SIRPB1: variants seen among roughly 807,000 people sequenced by gnomAD.
The protein encoded by SIRPB1 is signal regulatory protein beta 1, also known as signal-regulatory protein beta-1.
Under a neutral mutation model 34.1 loss-of-function variants are expected in SIRPB1, and 28 were observed. The ratio of observed to expected loss-of-function variants is 0.82; its 90% confidence interval spans 0.61 to 1.12. The LOEUF is 1.12. SIRPB1 is among the 50% of genes most tolerant of loss of function. The pLI is 0.00. For missense variants in SIRPB1, 499 were observed against 507.0 expected, an observed-to-expected ratio of 0.98 and a Z score of 0.15; for synonymous variants, 211 against 203.8, an observed-to-expected ratio of 1.04 and a Z score of -0.30.
Position 1,578,539 on chromosome 20 carries a change from T to A in SIRPB1, c.232A>T (p.Ile78Phe), listed in dbSNP as rs145222149. 6.5e-4 allele frequency: 1,028 copies of A among 1,583,850 alleles called. 63 individuals are homozygous for A. In the African/African-American group the frequency reaches 0.012, roughly 19 times the overall value. The change falls in exon 2 of 6, where the codon ATC becomes TTC. Residue 78 changes from isoleucine (I) to phenylalanine (F), a missense_variant. Coordinates refer to ENST00000381605, the MANE Select transcript of SIRPB1 (RefSeq NM_006065.5). ...FRGAGAGREL[I>F]YNQKEGHFPR... ...AAGTGGCCTTCTTTCTGATTGTAGATTAATTCCCGGCCTGCTCCAGCTCCT... is the reference window on the plus strand; with the variant it reads ...AAGTGGCCTTCTTTCTGATTGTAGAATAATTCCCGGCCTGCTCCAGCTCCT...
intron 4 of SIRPB1, among the ~76,000 whole-genome samples, chr20:1,569,898 G>A (rs1467897000): frequency 6.6e-6 from 1 of 152,218 alleles, no homozygotes; most frequent in African/African-American, 2.4e-5. Flanking sequence ...GGTATTAAAA[G>A]AGAGGGAAAT....
At chr20:1,569,112 A>T (rs528337937) in intron 4 of SIRPB1, among the ~76,000 whole-genome samples, 1 of 152,348 alleles carries the variant, frequency 6.6e-6, no homozygotes, top group East Asian at 1.9e-4. Context: ...GTTATGCAAA[A>T]CACAACTTAC....
rs764939384 is a variant in SIRPB1 at position 1,571,055 on chromosome 20, G to T, written c.834C>A (p.Tyr278Ter). The stretch of plus-strand genomic sequence containing the variant: ...ACCAGGTCAGCTGTAGTCCCCGGGG[G>T]TAGAAATTGCTCACCTGGCAGGTGA... ...ANVTCQVSNFYPRGLQLTWLE... is the reference protein window; with the variant it reads ...ANVTCQVSNF Residue 278 changes from tyrosine (Y) to a stop codon, truncating the protein, a stop_gained, in exon 4 of 6, where the codon TAC becomes TAA. Coordinates refer to ENST00000381605, the MANE Select transcript of SIRPB1 (RefSeq NM_006065.5). LOFTEE classifies it high-confidence loss of function. The T allele has an allele frequency of 1.2e-6, 2 of 1,614,208 alleles. No individual in the cohort carries two copies. Among genetic ancestry groups the T allele is most frequent in the East Asian group, 2.2e-5 (1 of 44,884 alleles).
In SIRPB1 at chr20:1,591,308, T is replaced by G. The variant is rs1284576949; in HGVS notation, c.77-12614A>C. 4.1e-5 allele frequency: 2 copies of G among 48,548 alleles called. 1 individual carries two copies. The highest frequency in any genetic ancestry group is 2.8e-4 in the Admixed American group (2 of 7,268). The allele number at this position is 48,548 out of a possible 1,614,324, so 3.0% of individuals were successfully genotyped here. ...GTAAATATAGGAATAACAAAAGATATCTCACAAAACATGTCAAAAAATTTC... is the reference window on the plus strand; with the variant it reads ...GTAAATATAGGAATAACAAAAGATAGCTCACAAAACATGTCAAAAAATTTC... On this transcript the variant is annotated intron_variant, in intron 1 of 5. Coordinates refer to ENST00000381605, the MANE Select transcript of SIRPB1 (RefSeq NM_006065.5).
Position 1,570,210 on chromosome 20 carries a change from A to G in SIRPB1, c.1084+595T>C, listed in dbSNP as rs1437147755. ...AGATCAGAGATGAACAGAAATTTGC[A>G]TATAGTAAATGTGCAGAGTGGTTGT... On this transcript the variant is annotated intron_variant, in intron 4 of 5. Transcript: ENST00000381605. Among the ~76,000 whole-genome samples, 5 of 152,260 alleles carry G rather than the reference A, an allele frequency of 3.3e-5. No individual in the cohort carries two copies. In the East Asian group the frequency reaches 9.6e-4, roughly 29 times the overall value.
intron 4 of SIRPB1, among the ~76,000 whole-genome samples, chr20:1,568,883 C>T (rs779960746): frequency 3.7e-4 from 55 of 149,990 alleles, no homozygotes; most frequent in Admixed American, 3.0e-3. Context: ...AATACAAAAA[C>T]CCATTGAAAC....
At chr20:1,572,759 CATTA>C (rs969633562) in intron 2 of SIRPB1, among the ~76,000 whole-genome samples, 130 of 151,468 alleles carry the variant, frequency 8.6e-4, no homozygotes, top group South Asian at 2.7e-3. Context: ...AAATAAAAGG[CATTA>C]ATTAAGGATA....
intron 4 of SIRPB1, chr20:1,570,500 C>T (rs1486831732): frequency 8.0e-6 from 2 of 248,482 alleles, no homozygotes; most frequent in Non-Finnish European, 1.5e-5. Context: ...ACTTCATAAA[C>T]AAACGGATCA....
intron 1 of SIRPB1, among the ~76,000 whole-genome samples, chr20:1,591,210 T>C (rs1477111607): frequency 2.1e-5 from 1 of 48,614 alleles, no homozygotes; most frequent in Non-Finnish European, 4.0e-5. Context: ...AGTTATTGGG[T>C]TGGGGGATCA....
At position 1,564,676 on chromosome 20, in the gene SIRPB1, G is replaced by A. The variant is rs1317516808; in HGVS notation, c.*824C>T. 2.7e-6 allele frequency: 1 copy of A among 370,734 alleles called. No individual in the cohort carries two copies. Among genetic ancestry groups the A allele is most frequent in the South Asian group, 1.5e-4 (1 of 6,740 alleles). 23.0% of individuals were successfully genotyped at this position (370,734 alleles called of 1,614,324 possible). The stretch of plus-strand genomic sequence containing the variant: ...CTGAAAACCAATTGTTAAATTTCAG[G>A]AATCTTGCAATCTGGTTGTTTAACT... On this transcript the variant is annotated 3_prime_UTR_variant, in exon 6 of 6. Transcript: ENST00000381605.
In SIRPB1 at chr20:1,570,956, C is replaced by G. The variant is rs1372577703; in HGVS notation, c.933G>C (p.Trp311Cys). Residue 311 changes from tryptophan (W) to cysteine (C), a missense_variant, in exon 4 of 6, where the codon TGG (tryptophan) becomes TGC (cysteine). Transcript: ENST00000381605. The part of the protein sequence containing the change: ...LIENKDGTYN[W>C]MSWLLVNTCA... ...AGGTGTTCACCAGGAGCCAGCTCATCCAGTTGTAGGTGCCATCCTTGTTCT... is the reference window on the plus strand; with the variant it reads ...AGGTGTTCACCAGGAGCCAGCTCATGCAGTTGTAGGTGCCATCCTTGTTCT... 1.2e-6 allele frequency: 2 copies of G among 1,613,482 alleles called. No individual in the cohort carries two copies. The highest frequency in any genetic ancestry group is 1.7e-5 in the Admixed American group (1 of 60,000).
At position 1,610,039 on chromosome 20, in the gene SIRPB1, A is replaced by T. The variant is rs557004750; in HGVS notation, c.76+9830T>A. Among the ~76,000 whole-genome samples, 112 of 72,390 alleles carry T rather than the reference A, an allele frequency of 1.5e-3. 48 individuals carry two copies. The highest frequency in any genetic ancestry group is 9.6e-3 in the African/African-American group (110 of 11,414). The allele number at this position is 72,390 out of a possible 152,430, so 47.5% of individuals were successfully genotyped here. Reference sequence around the variant, plus strand: ...AAAATAAATTTTGATATTTCCATAGATTGGAGTATTTTTCAGCTGTAAACA... The same window carrying T: ...AAAATAAATTTTGATATTTCCATAGTTTGGAGTATTTTTCAGCTGTAAACA... On this transcript the variant is annotated intron_variant, in intron 1 of 5. Transcript: ENST00000381605.
At position 1,578,375 on chromosome 20, in the gene SIRPB1, C is replaced by A; in HGVS notation, c.396G>T (p.Glu132Asp). The change falls in exon 2 of 6, where the codon GAG becomes GAT. Residue 132 changes from glutamate to aspartate, a missense_variant. Transcript: ENST00000381605. Reference sequence around the variant, plus strand: ...GCTCAGTGCCTGCTCCAGACTTAAACTCCACGTCGTCAGGGCTCCCTTTCC... The same window carrying A: ...GCTCAGTGCCTGCTCCAGACTTAAAATCCACGTCGTCAGGGCTCCCTTTCC... ...KFRKGSPDDVEFKSGAGTELS... is the reference protein window; with the variant it reads ...KFRKGSPDDVDFKSGAGTELS... 2 of 1,587,256 alleles carry A rather than the reference C, an allele frequency of 1.3e-6. No individual in the cohort carries two copies. Among genetic ancestry groups the A allele is most frequent in the Admixed American group, 1.7e-5 (1 of 59,370 alleles).
chr20:1,576,754 A>G (rs1183253824), intron 2 of SIRPB1, among the ~76,000 whole-genome samples: 2 of 148,388 alleles, frequency 1.3e-5, no homozygotes, highest in Non-Finnish European at 3.0e-5. Flanking sequence ...AAAATACAAA[A>G]TTAGCCAGGC....
At position 1,572,020 on chromosome 20, in the gene SIRPB1, C is replaced by G. The variant is rs1008776803; in HGVS notation, c.451G>C (p.Val151Leu). 1.2e-6 allele frequency: 2 copies of G among 1,613,902 alleles called. No individual in the cohort carries two copies. Among genetic ancestry groups the G allele is most frequent in the South Asian group, 1.1e-5 (1 of 91,070 alleles). The part of the protein sequence containing the change: ...LSVRAKPSAP[V>L]VSGPAVRATP... Reference sequence around the variant, plus strand: ...GCCCTCACCGCAGGGCCCGATACCACGGGGGCAGAGGGTTTGGCTACAAAA... The same window carrying G: ...GCCCTCACCGCAGGGCCCGATACCAGGGGGGCAGAGGGTTTGGCTACAAAA... The change falls in exon 3 of 6, where the codon GTG (valine) becomes CTG (leucine). Residue 151 changes from valine to leucine, a missense_variant. Transcript: ENST00000381605.
In SIRPB1 at chr20:1,563,008, C is replaced by A. The variant is rs73570830; in HGVS notation, c.*2492G>T. On this transcript the variant is annotated 3_prime_UTR_variant, in exon 6 of 6. Coordinates refer to ENST00000381605, the MANE Select transcript of SIRPB1 (RefSeq NM_006065.5). ...TAGGCAGCCAGAGGGAGGTAGTAAA[C>A]GCAAACTGCCACAAATGGGAGAGGA... Among the ~76,000 whole-genome samples, 1 of 152,080 alleles carries A rather than the reference C, an allele frequency of 6.6e-6. No homozygotes were observed. Among genetic ancestry groups the A allele is most frequent in the Non-Finnish European group, 1.5e-5 (1 of 68,018 alleles).
At chr20:1,579,430 T>A (rs751603185) in intron 1 of SIRPB1, among the ~76,000 whole-genome samples, 6 of 148,212 alleles carry the variant, frequency 4.0e-5, no homozygotes, top group Non-Finnish European at 7.6e-5. Context: ...CCTTGAGTTA[T>A]GAGCAGAATG....
chr20:1,614,989 C>A (rs369696642), intron 1 of SIRPB1, among the ~76,000 whole-genome samples: 10 of 152,220 alleles, frequency 6.6e-5, no homozygotes, highest in East Asian at 5.8e-4. Context: ...TGCCTTTCTT[C>A]AAGAGCACAA....
At chr20:1,614,179 G>A (rs1033404730) in intron 1 of SIRPB1, among the ~76,000 whole-genome samples, 1 of 152,122 alleles carries the variant, frequency 6.6e-6, no homozygotes, top group African/African-American at 2.4e-5. Context: ...GAGAAATTAC[G>A]ATATTCTCAG....
Sources: gnomAD v4.1 joint callset for allele counts (sites outside exome capture counted in the v4.1 genomes callset) on GRCh38, gnomAD v4.1.1 for gene constraint, MANE v1.5 for transcripts, NCBI Gene and HGNC (gene_info 2026-07-23, HGNC 2026-07-21) for gene names.